SPECC1: variants seen among roughly 807,000 people sequenced by gnomAD.
SPECC1 encodes the protein cytospin-B.
SPECC1 carries 62 observed loss-of-function variants against 104.1 expected under a neutral mutation model. The ratio of observed to expected loss-of-function variants is 0.60; its 90% CI spans 0.49 to 0.74. The LOEUF (loss-of-function observed/expected upper bound fraction) is 0.74. Among genes scored for constraint, SPECC1 ranks in the 30% least tolerant of loss-of-function variants. SPECC1 has a pLI of 0.00. For missense variants in SPECC1, 1,306 were observed against 1,310.5 expected (o/e 1.00, Z 0.05); for synonymous variants, 513 against 501.6 (o/e 1.02, Z -0.30).
intron 1 of SPECC1, among the ~76,000 whole-genome samples, chr17:20,032,220 A>AT (rs774902686): frequency 3.3e-5 from 5 of 151,988 alleles, no homozygotes; most frequent in Non-Finnish European, 4.4e-5. Flanking sequence ...GACTTACAGC[A>AT]TTTTTACCAT....
chr17:20,052,068 G>A (rs1216619910), intron 1 of SPECC1, among the ~76,000 whole-genome samples: 1 of 152,190 alleles, frequency 6.6e-6, no homozygotes, highest in East Asian at 1.9e-4. Flanking sequence ...TGTTTGACCT[G>A]TAATAGTCAC....
rs576104978 is a variant in SPECC1, at chr17:20,104,965, C to T, written c.148-5462C>T. On this transcript the variant is annotated intron_variant, in intron 2 of 14. Coordinates refer to ENST00000395527, the MANE Select transcript of SPECC1 (RefSeq NM_001243439.2). ...CAGCCTGGAGAACCACCATGGAGAG[C>T]CACTAGGAAAACAGCTGCAATGATG... Among the ~76,000 whole-genome samples, 4 of 152,078 alleles carry T rather than the reference C, an allele frequency of 2.6e-5. No homozygotes were observed. The South Asian group carries it at 8.3e-4, about 32-fold the overall frequency.
intron 4 of SPECC1, among the ~76,000 whole-genome samples, chr17:20,213,038 A>G (rs563546995): frequency 6.6e-6 from 1 of 152,164 alleles, no homozygotes; most frequent in African/African-American, 2.4e-5. Context: ...AGTCTAATGG[A>G]TTGATGAAAT....
At chr17:20,031,269 T>C (rs905118227) in intron 1 of SPECC1, among the ~76,000 whole-genome samples, 1 of 152,138 alleles carries the variant, frequency 6.6e-6, no homozygotes, top group African/African-American at 2.4e-5. Flanking sequence ...GCTGGCATTA[T>C]AGGTGTGAGC....
chr17:20,093,113 A>G (rs565561265), intron 1 of SPECC1, among the ~76,000 whole-genome samples: 1 of 152,344 alleles, frequency 6.6e-6, no homozygotes, highest in South Asian at 2.1e-4. Flanking sequence ...CTGTAAGAGA[A>G]ATACCATAAA....
At chr17:20,021,179 A>AG (rs1597574208) in intron 1 of SPECC1, among the ~76,000 whole-genome samples, 1 of 151,998 alleles carries the variant, frequency 6.6e-6, no homozygotes, top group East Asian at 1.9e-4. Flanking sequence ...AGGAGGAAGA[A>AG]GAGGGGTTGG....
intron 11 of SPECC1, 121 bp from the exon 12 acceptor site, chr17:20,260,071 T>G: frequency 1.5e-6 from 1 of 678,898 alleles, no homozygotes. Context: ...GGCTGTTTCT[T>G]TAGAATCTTG....
intron 14 of SPECC1, among the ~76,000 whole-genome samples, chr17:20,309,814 T>C (rs2041877356): frequency 1.5e-5 from 2 of 130,078 alleles, no homozygotes; most frequent in Non-Finnish European, 3.1e-5. Flanking sequence ...TTTCTCCTTT[T>C]CTTTTTTTTT....
At chr17:20,161,655 T>C (rs1193666771) in intron 3 of SPECC1, among the ~76,000 whole-genome samples, 1 of 151,762 alleles carries the variant, frequency 6.6e-6, no homozygotes, top group Non-Finnish European at 1.5e-5. Context: ...ATGAATATGC[T>C]CTTTACTTTT....
At chr17:20,111,559 A>C (rs2048492195) in intron 3 of SPECC1, among the ~76,000 whole-genome samples, 1 of 152,212 alleles carries the variant, frequency 6.6e-6, no homozygotes, top group Admixed American at 6.5e-5. Context: ...AGCCAGCCTA[A>C]CAGTGATCCC....
At chr17:20,026,116 A>AT (rs2152437320) in intron 1 of SPECC1, among the ~76,000 whole-genome samples, 1 of 151,166 alleles carries the variant, frequency 6.6e-6, no homozygotes, top group African/African-American at 2.4e-5. Flanking sequence ...AATATTAAAT[A>AT]TTTATCAGAT....
intron 1 of SPECC1, among the ~76,000 whole-genome samples, chr17:20,074,843 G>C (rs2046694423): frequency 1.3e-5 from 2 of 152,080 alleles, no homozygotes; most frequent in African/African-American, 4.8e-5. Flanking sequence ...TGAAAACCTG[G>C]AATTTGAAAT....
chr17:20,239,827 G>A (rs2039109644), intron 7 of SPECC1, among the ~76,000 whole-genome samples: 1 of 148,238 alleles, frequency 6.7e-6, no homozygotes, highest in African/African-American at 2.5e-5. Context: ...TTTGCCAATA[G>A]GATAATCAAA....
rs2036628412 is a variant in SPECC1 at position 20,204,385 on chromosome 17, A to G, written c.336A>G (p.Ser112=). Residue 112 remains serine (S), a synonymous_variant, in exon 4 of 15, where the codon TCA becomes TCG. Coordinates refer to ENST00000395527, the MANE Select transcript of SPECC1 (RefSeq NM_001243439.2). ...RTGIPAPREF[S]VTVSRERSVP... ...GCATTCCAGCCCCACGGGAATTTTC[A>G]GTAACTGTCTCAAGAGAGAGGTCTG... 2 of 1,613,892 alleles carry G rather than the reference A, an allele frequency of 1.2e-6. No homozygotes were observed. Among genetic ancestry groups the G allele is most frequent in the African/African-American group, 1.3e-5 (1 of 74,892 alleles).
intron 3 of SPECC1, among the ~76,000 whole-genome samples, chr17:20,129,409 C>T (rs1011365022): frequency 1.3e-5 from 2 of 151,058 alleles, no homozygotes; most frequent in Non-Finnish European, 2.9e-5. Flanking sequence ...AGGATGGTCT[C>T]AATCTCCTGA....
chr17:20,145,295 G>T (rs1225358021), intron 3 of SPECC1, among the ~76,000 whole-genome samples: 1 of 152,172 alleles, frequency 6.6e-6, no homozygotes. Flanking sequence ...AAAAAGAATG[G>T]CTACTGGGTC....
At chr17:20,144,763 C>T (rs1341438086) in intron 3 of SPECC1, among the ~76,000 whole-genome samples, 1 of 152,168 alleles carries the variant, frequency 6.6e-6, no homozygotes, top group African/African-American at 2.4e-5. Flanking sequence ...CATTACTATG[C>T]CTGGCTCAAT....
intron 3 of SPECC1, among the ~76,000 whole-genome samples, chr17:20,126,110 C>T (rs1597770444): frequency 1.3e-5 from 2 of 152,280 alleles, no homozygotes; most frequent in Admixed American, 6.5e-5. Flanking sequence ...TCTTTCCATC[C>T]AGGTCCTGGC....
chr17:20,082,965 CGTTCGTTCGT>C (rs2047035177), intron 1 of SPECC1, among the ~76,000 whole-genome samples: 2 of 42,960 alleles, frequency 4.7e-5, no homozygotes, highest in South Asian at 4.9e-4. Context: ...GGTGTTCGTT[CGTTCGTTCGT>C]TCGTTCGTTC....
Sources: gnomAD v4.1 joint callset for allele counts (sites outside exome capture counted in the v4.1 genomes callset) on GRCh38, gnomAD v4.1.1 for gene constraint, MANE v1.5 for transcripts, NCBI Gene and HGNC (gene_info 2026-07-23, HGNC 2026-07-21) for gene names.